Variants in FBXL4 observed in about 807,000 individuals in gnomAD.
FBXL4 encodes the protein F-box/LRR-repeat protein 4.
In FBXL4, 40 loss-of-function variants were observed where a neutral mutation model predicts 58.9. That is an observed-to-expected ratio of 0.68 (90% confidence interval 0.53 to 0.88). FBXL4 has a LOEUF of 0.88. Ranked by LOEUF, FBXL4 falls within the 40% of genes least tolerant of loss-of-function variation. FBXL4 has a pLI of 0.00. For missense variants in FBXL4, 676 were observed against 734.4 expected, an observed-to-expected ratio of 0.92 and a Z score of 0.92; for synonymous variants, 263 against 265.5, an observed-to-expected ratio of 0.99 and a Z score of 0.09.
intron 5 of FBXL4, among the ~76,000 whole-genome samples, chr6:98,908,919 T>C (rs1322733910): frequency 2.0e-5 from 3 of 152,210 alleles, no homozygotes; most frequent in African/African-American, 7.2e-5. Context: ...TCATGGATTG[T>C]TTGACTGCAA....
rs565370490 is a variant in FBXL4, at chr6:98,871,175, T to C, written c.*3103A>G. On this transcript the variant is annotated 3_prime_UTR_variant, in exon 10 of 10. Transcript: ENST00000369244. ...AGCAAGGAAAACATTTTACTAACGATAACTAAATTGTGTTTGATTCTATCG... is the reference window on the plus strand; with the variant it reads ...AGCAAGGAAAACATTTTACTAACGACAACTAAATTGTGTTTGATTCTATCG... 40 of 152,212 alleles carry C rather than the reference T, an allele frequency of 2.6e-4. No individual in the cohort carries two copies. The highest frequency in any genetic ancestry group is 9.2e-4 in the African/African-American group (38 of 41,530). The allele number at this position is 152,212 out of a possible 1,614,324, so 9.4% of individuals were successfully genotyped here.
At chr6:98,938,562 A>G (rs1195896236) in intron 1 of FBXL4, among the ~76,000 whole-genome samples, 1 of 152,218 alleles carries the variant, frequency 6.6e-6, no homozygotes, top group Non-Finnish European at 1.5e-5. Flanking sequence ...TTCCTGTTAC[A>G]TAACGAAAAG....
chr6:98,916,830 T>TA (rs11419555), intron 5 of FBXL4, among the ~76,000 whole-genome samples: 42,633 of 129,512 alleles, frequency 0.33, 6,889 homozygotes, highest in East Asian at 0.69. Context: ...AAAAAAAAAC[T>TA]AAAAAAAAAA....
Position 98,873,771 on chromosome 6 carries a change from A to G in FBXL4, c.*507T>C, listed in dbSNP as rs1281496940. The G allele has an allele frequency of 6.6e-6, 1 of 152,342 alleles. No homozygotes were observed. Among genetic ancestry groups the G allele is most frequent in the African/African-American group, 2.4e-5 (1 of 41,470 alleles). The allele number at this position is 152,342 out of a possible 1,614,324, so 9.4% of individuals were successfully genotyped here. ...TGGCTAGAAAAACTAAAAATTTTCC[A>G]GTTGAACAGTTAATCCAGAGAAATA... On this transcript the variant is annotated 3_prime_UTR_variant, in exon 10 of 10. Coordinates refer to ENST00000369244, the MANE Select transcript of FBXL4 (RefSeq NM_001278716.2).
chr6:98,926,768 G>C lies in FBXL4; in HGVS notation c.221C>G (p.Thr74Ser), dbSNP rs779472232. The change falls in exon 4 of 10, where the codon ACT becomes AGT. Residue 74 changes from threonine (T) to serine (S), a missense_variant. By Grantham distance (58) the Thr-to-Ser change is moderately conservative. Coordinates refer to ENST00000369244, the MANE Select transcript of FBXL4 (RefSeq NM_001278716.2). ...TGGTACACCAGCCAAATTCCACATA[G>C]TATAGGACATACTATTCTCACTTCC... Reference protein sequence around the residue: ...HYGSENSMSYTMWNLAGVPNV... With the variant: ...HYGSENSMSYSMWNLAGVPNV... 4 of 1,614,032 alleles carry C rather than the reference G, an allele frequency of 2.5e-6. No individual in the cohort carries two copies. The African/African-American group carries it at 5.3e-5, about 22-fold the overall frequency.
rs746293212 is a variant in FBXL4 at position 98,917,335 on chromosome 6, T to G, written c.858+39A>C. On this transcript the variant is annotated intron_variant, in intron 5 of 9. Coordinates refer to ENST00000369244, the MANE Select transcript of FBXL4 (RefSeq NM_001278716.2). ...ATATCTAAAGATTAAAAATCTATAG[T>G]GTTATATCCAATACTGCTGCTAAAT... 1.3e-5 allele frequency: 17 copies of G among 1,318,198 alleles called. No homozygotes were observed. The Admixed American group carries it at 3.8e-4, about 29-fold the overall frequency. The allele number at this position is 1,318,198 out of a possible 1,614,324, so 81.7% of individuals were successfully genotyped here.
intron 6 of FBXL4, among the ~76,000 whole-genome samples, chr6:98,901,022 G>A (rs1440539628): frequency 2.6e-5 from 4 of 152,088 alleles, no homozygotes; most frequent in Non-Finnish European, 5.9e-5. Context: ...TATCATCCAG[G>A]CAATAGTCTA....
intron 6 of FBXL4, among the ~76,000 whole-genome samples, chr6:98,900,285 C>T (rs1394429743): frequency 1.3e-5 from 2 of 152,162 alleles, no homozygotes; most frequent in Non-Finnish European, 2.9e-5. Context: ...ACCCTCTTAA[C>T]AGTGTACCAA....
intron 5 of FBXL4, among the ~76,000 whole-genome samples, chr6:98,914,355 C>T (rs1772235315): frequency 1.3e-5 from 2 of 152,098 alleles, no homozygotes; most frequent in African/African-American, 2.4e-5. Context: ...TGGGCAGAGA[C>T]ACAACCAAAA....
intron 4 of FBXL4, among the ~76,000 whole-genome samples, chr6:98,919,295 A>G (rs2128401745): frequency 6.6e-6 from 1 of 152,284 alleles, no homozygotes; most frequent in African/African-American, 2.4e-5. Context: ...GAACTTTAGC[A>G]GTAGGGACTT....
At chr6:98,932,359 T>C (rs1773045139) in intron 2 of FBXL4, among the ~76,000 whole-genome samples, 2 of 152,214 alleles carry the variant, frequency 1.3e-5, no homozygotes, top group Admixed American at 6.5e-5. Context: ...GAGACTTTCA[T>C]ACTCCTTAGG....
rs372346466 is a variant in FBXL4 at position 98,926,740 on chromosome 6, A to G, written c.249T>C (p.Asn83=). The G allele has an allele frequency of 1.3e-5, 21 of 1,614,102 alleles. No homozygotes were observed. The South Asian group carries it at 2.1e-4, about 16-fold the overall frequency. The change falls in exon 4 of 10, where the codon AAT becomes AAC. Residue 83 remains asparagine, a synonymous_variant. Coordinates refer to ENST00000369244, the MANE Select transcript of FBXL4 (RefSeq NM_001278716.2). Reference sequence around the variant, plus strand: ...TAAAGTCACCAGAACTTGGGAATACATTTGGTACACCAGCCAAATTCCACA... The same window carrying G: ...TAAAGTCACCAGAACTTGGGAATACGTTTGGTACACCAGCCAAATTCCACA... The part of the protein sequence containing the change: ...YTMWNLAGVP[N]VFPSSGDFTQ...
At chr6:98,945,608 G>A (rs931701115) in intron 1 of FBXL4, among the ~76,000 whole-genome samples, 1 of 152,112 alleles carries the variant, frequency 6.6e-6, no homozygotes, top group Non-Finnish European at 1.5e-5. Flanking sequence ...TAAGTGTCCA[G>A]TGTAAAATTT....
At chr6:98,899,097 T>G in intron 7 of FBXL4, 171 bp downstream of exon 7, 2 of 985,308 alleles carry the variant, frequency 2.0e-6, no homozygotes, top group African/African-American at 3.5e-5. Flanking sequence ...GCATATTAGG[T>G]TTGAAATAAC....
At chr6:98,910,368 T>C (rs1325974764) in intron 5 of FBXL4, among the ~76,000 whole-genome samples, 3 of 152,038 alleles carry the variant, frequency 2.0e-5, no homozygotes, top group Admixed American at 6.6e-5. Context: ...TATTAATAAT[T>C]CCAGGCCGGG....
chr6:98,911,068 G>A (rs7743033), intron 5 of FBXL4, among the ~76,000 whole-genome samples: 54,381 of 152,020 alleles, frequency 0.36, 10,267 homozygotes, highest in Middle Eastern at 0.46. Flanking sequence ...ACGGAGTCTC[G>A]CTGATTGCTA....
chr6:98,912,234 C>G (rs1273143769), intron 5 of FBXL4, among the ~76,000 whole-genome samples: 2 of 152,146 alleles, frequency 1.3e-5, no homozygotes, highest in Admixed American at 6.5e-5. Flanking sequence ...AGAATGGAAC[C>G]AAGTTGGAAA....
intron 5 of FBXL4, among the ~76,000 whole-genome samples, chr6:98,915,204 T>C (rs1321723208): frequency 3.2e-4 from 49 of 151,586 alleles, no homozygotes; most frequent in African/African-American, 1.1e-3. Context: ...TCCATGCTCA[T>C]GGGTAGGAAG....
rs141078701 is a variant in FBXL4, at chr6:98,902,105, G to A, written c.1104-2624C>T. Among the ~76,000 whole-genome samples, 4 of 152,182 alleles carry A rather than the reference G, an allele frequency of 2.6e-5. No individual in the cohort carries two copies. The East Asian group carries it at 5.8e-4, about 22-fold the overall frequency. On this transcript the variant is annotated intron_variant, in intron 6 of 9. Coordinates refer to ENST00000369244, the MANE Select transcript of FBXL4 (RefSeq NM_001278716.2). ...TGCATCCTAAAATAATTAAGATCACGTGAATGACTTGAGTTTACTTATCAC... is the reference window on the plus strand; with the variant it reads ...TGCATCCTAAAATAATTAAGATCACATGAATGACTTGAGTTTACTTATCAC...
Sources: allele counts gnomAD v4.1 joint callset (sites outside exome capture counted in the v4.1 genomes callset), GRCh38; gene constraint gnomAD v4.1.1; transcripts MANE v1.5; gene names NCBI Gene and HGNC (gene_info 2026-07-23, HGNC 2026-07-21).